DENND2C: variants seen among roughly 807,000 people sequenced by gnomAD.
DENND2C encodes the protein DENN domain-containing protein 2C.
Under a neutral mutation model 112.4 loss-of-function variants are expected in DENND2C, and 72 were observed. That is an observed-to-expected ratio of 0.64 (90% CI 0.53 to 0.78). DENND2C has a LOEUF of 0.78. DENND2C is among the 30% of genes least tolerant of loss of function. DENND2C has a pLI of 0.00. For missense variants in DENND2C, 992 were observed against 1,113.8 expected (o/e 0.89, Z 1.56); for synonymous variants, 329 against 381.6 (o/e 0.86, Z 1.61).
chr1:114,650,366 C>T (rs1657120213), intron 2 of DENND2C, among the ~76,000 whole-genome samples: 1 of 148,242 alleles, frequency 6.7e-6, no homozygotes, highest in African/African-American at 2.5e-5. Context: ...CAGCAATTTT[C>T]AAGAATTTCA....
intron 3 of DENND2C, among the ~76,000 whole-genome samples, chr1:114,642,133 G>T (rs1454189771): frequency 6.6e-6 from 1 of 151,932 alleles, no homozygotes; most frequent in African/African-American, 2.4e-5. Context: ...TGTATTTTTG[G>T]TAGAGACGGG....
chr1:114,664,067 C>T (rs768697383), intron 1 of DENND2C, among the ~76,000 whole-genome samples: 4 of 151,510 alleles, frequency 2.6e-5, no homozygotes, highest in South Asian at 4.2e-4. Context: ...GCCTCCCAAG[C>T]GGCTGGGACC....
intron 4 of DENND2C, among the ~76,000 whole-genome samples, chr1:114,624,048 C>T (rs376627640): frequency 4.3e-4 from 66 of 152,092 alleles, no homozygotes; most frequent in African/African-American, 1.3e-3. Context: ...GTATGGGAGA[C>T]AGAAATAAAT....
intron 3 of DENND2C, among the ~76,000 whole-genome samples, chr1:114,642,954 T>A (rs112672825): frequency 3.3e-5 from 5 of 152,204 alleles, no homozygotes; most frequent in Non-Finnish European, 7.3e-5. Context: ...TCACTCCTTT[T>A]GTGTGCTTCT....
At chr1:114,610,930 C>T in intron 9 of DENND2C, 143 bp downstream of exon 9, 1 of 932,860 alleles carries the variant, frequency 1.1e-6, no homozygotes, top group Non-Finnish European at 1.7e-6. Context: ...TTCTCCAAAC[C>T]TCAACAGGCT....
chr1:114,618,963 G>A (rs1340535422), intron 7 of DENND2C, among the ~76,000 whole-genome samples: 1 of 152,202 alleles, frequency 6.6e-6, no homozygotes, highest in African/African-American at 2.4e-5. Context: ...TATTCTAAGA[G>A]TACTAACATT....
chr1:114,667,741 T>G (rs957684604), intron 1 of DENND2C, among the ~76,000 whole-genome samples: 4 of 152,198 alleles, frequency 2.6e-5, no homozygotes, highest in African/African-American at 9.7e-5. Flanking sequence ...CTCACAGAAT[T>G]TGAAACTCAG....
rs774069018 is a variant in DENND2C at position 114,625,664 on chromosome 1, G to C, written c.321C>G (p.Phe107Leu). ...NKKHEYDDTH[F>L]FKNESESNWV... Reference sequence around the variant, plus strand: ...AGTTGGATTCTGATTCATTTTTAAAGAAGTGTGTATCGTCATATTCATGTT... The same window carrying C: ...AGTTGGATTCTGATTCATTTTTAAACAAGTGTGTATCGTCATATTCATGTT... The change falls in exon 4 of 21, where the codon TTC becomes TTG. Residue 107 changes from phenylalanine (F) to leucine (L), a missense_variant. Coordinates refer to ENST00000393274, the MANE Select transcript of DENND2C (RefSeq NM_001256404.2). 4 of 1,614,080 alleles carry C rather than the reference G, an allele frequency of 2.5e-6. No homozygotes were observed. The Admixed American group carries it at 6.7e-5, about 27-fold the overall frequency.
intron 10 of DENND2C, among the ~76,000 whole-genome samples, chr1:114,608,208 G>A (rs995799743): frequency 2.6e-5 from 4 of 151,964 alleles, no homozygotes; most frequent in African/African-American, 9.7e-5. Context: ...TGCAGGGGTT[G>A]CAGTGAGCCA....
At chr1:114,655,888 A>ATATATATATATATATG (rs1343062423) in intron 1 of DENND2C, among the ~76,000 whole-genome samples, 1 of 139,806 alleles carries the variant, frequency 7.2e-6, no homozygotes, top group East Asian at 2.0e-4. Context: ...GTATAAATAT[A>ATATATATATATATATG]TATATATATA....
intron 2 of DENND2C, among the ~76,000 whole-genome samples, chr1:114,647,359 ATT>A (rs879404986): frequency 4.2e-5 from 6 of 142,878 alleles, no homozygotes; most frequent in African/African-American, 7.6e-5. Context: ...GTACAATGTG[ATT>A]TTTTTTTTTT....
At chr1:114,610,461 GAGGCCA>G (rs756933927) in intron 9 of DENND2C, among the ~76,000 whole-genome samples, 8 of 152,310 alleles carry the variant, frequency 5.3e-5, no homozygotes, top group Non-Finnish European at 4.4e-5. Context: ...AGCACTTTGG[GAGGCCA>G]AGGCAGGCAG....
Position 114,600,955 on chromosome 1 carries a change from C to T in DENND2C, c.1821G>A (p.Leu607=). 1.9e-6 allele frequency: 3 copies of T among 1,612,598 alleles called. 1 individual carries two copies. The highest frequency in any genetic ancestry group is 2.7e-5 in the African/African-American group (2 of 74,992). Residue 607 remains leucine (L), a synonymous_variant, in exon 14 of 21, where the codon CTG becomes CTA. Coordinates refer to ENST00000393274, the MANE Select transcript of DENND2C (RefSeq NM_001256404.2). ...TTTCTCTTCTCTTCTCTACTTCATCCAGAATCTATATACGCAAAGTGTTAT... is the reference window on the plus strand; with the variant it reads ...TTTCTCTTCTCTTCTCTACTTCATCTAGAATCTATATACGCAAAGTGTTAT... ...LGCFNLFSKI[L]DEVEKRREMS... is the part of the protein sequence containing the mutation.
At chr1:114,647,783 C>A (rs997361121) in intron 2 of DENND2C, among the ~76,000 whole-genome samples, 1 of 151,816 alleles carries the variant, frequency 6.6e-6, no homozygotes, top group African/African-American at 2.4e-5. Flanking sequence ...AGGCACCATG[C>A]TATGTATCTA....
At chr1:114,639,791 C>T (rs1356674484) in intron 3 of DENND2C, among the ~76,000 whole-genome samples, 5 of 151,234 alleles carry the variant, frequency 3.3e-5, no homozygotes, top group Non-Finnish European at 7.4e-5. Context: ...CTCACTGCAA[C>T]TTCGGCCTCC....
At chr1:114,590,481 A>G (rs1655154931) in intron 18 of DENND2C, among the ~76,000 whole-genome samples, 1 of 152,148 alleles carries the variant, frequency 6.6e-6, no homozygotes. Context: ...ATGGCACTAT[A>G]AAAATTATTG....
At chr1:114,642,339 C>T (rs1196516561) in intron 3 of DENND2C, among the ~76,000 whole-genome samples, 1 of 152,140 alleles carries the variant, frequency 6.6e-6, no homozygotes, top group East Asian at 1.9e-4. Context: ...GTCTTTCACC[C>T]TCTAATTCAA....
chr1:114,611,053 A>G lies in DENND2C; in HGVS notation c.1369+20T>C, dbSNP rs1251762942. ...CCATGATCATCACAACAACGGGAGC[A>G]GCCCCATTGACTCACTCACTCTTTG... On this transcript the variant is annotated intron_variant, in intron 9 of 20. Coordinates refer to ENST00000393274, the MANE Select transcript of DENND2C (RefSeq NM_001256404.2). 1 of 1,614,152 alleles carries G rather than the reference A, an allele frequency of 6.2e-7. No individual in the cohort carries two copies. Among genetic ancestry groups the G allele is most frequent in the South Asian group, 1.1e-5 (1 of 91,076 alleles).
rs576152586 is a variant in DENND2C at position 114,659,076 on chromosome 1, T to C, written c.-573-4315A>G. The stretch of plus-strand genomic sequence containing the variant: ...GGCACAAATGAATCTCTTGGCCAAA[T>C]ATTTTTCTTTAATGTTTCAGGTTTC... On this transcript the variant is annotated intron_variant, in intron 1 of 20. Transcript: ENST00000393274. Among the ~76,000 whole-genome samples the C allele has an allele frequency of 2.0e-5, 3 of 152,276 alleles. No individual in the cohort carries two copies. In the East Asian group the frequency reaches 5.8e-4, roughly 29 times the overall value.
Sources: allele counts gnomAD v4.1 joint callset (sites outside exome capture counted in the v4.1 genomes callset), GRCh38; gene constraint gnomAD v4.1.1; transcripts MANE v1.5; gene names NCBI Gene and HGNC (gene_info 2026-07-23, HGNC 2026-07-21).